The following CDH18 variants were observed in gnomAD, a reference collection of about 807,000 sequenced individuals.
The protein encoded by CDH18 is cadherin-18.
Under a neutral mutation model 67.9 loss-of-function variants are expected in CDH18, and 31 were observed. That is an observed-to-expected ratio of 0.46 (90% CI 0.34 to 0.62). The LOEUF is 0.62. CDH18 is among the 20% of genes least tolerant of loss of function. CDH18 has a pLI of 0.01. For synonymous variants in CDH18, 362 were observed against 347.2 expected (o/e 1.04, Z -0.48); for missense variants, 890 against 975.5 (o/e 0.91, Z 1.17).
intron 2 of CDH18, among the ~76,000 whole-genome samples, chr5:20,211,964 C>T (rs1174952649): frequency 2.0e-5 from 3 of 152,100 alleles, no homozygotes; most frequent in Non-Finnish European, 2.9e-5. Flanking sequence ...TTCAGAAGAT[C>T]AGTAATAACA....
chr5:20,457,616 T>A (rs1750930506), intron 1 of CDH18, among the ~76,000 whole-genome samples: 1 of 152,142 alleles, frequency 6.6e-6, no homozygotes, highest in African/African-American at 2.4e-5. Flanking sequence ...ATTTTAAAAA[T>A]CATGGGGTTA....
intron 2 of CDH18, among the ~76,000 whole-genome samples, chr5:20,156,679 C>G (rs750001266): frequency 2.6e-5 from 4 of 152,072 alleles, no homozygotes; most frequent in Admixed American, 6.6e-5. Flanking sequence ...AACACTATAT[C>G]CATGTGACAC....
intron 9 of CDH18, among the ~76,000 whole-genome samples, chr5:19,539,499 G>GA (rs1000709459): frequency 6.6e-6 from 1 of 151,928 alleles, no homozygotes; most frequent in African/African-American, 2.4e-5. Flanking sequence ...GTGAGGTAGT[G>GA]AAAAAAAATT....
intron 1 of CDH18, among the ~76,000 whole-genome samples, chr5:20,363,326 A>G (rs1742242379): frequency 6.6e-6 from 1 of 151,976 alleles, no homozygotes; most frequent in South Asian, 2.1e-4. Context: ...CTCTACTAAA[A>G]ATACGAAAGT....
intron 5 of CDH18, among the ~76,000 whole-genome samples, chr5:19,707,357 T>C (rs1357021632): frequency 6.6e-6 from 1 of 152,182 alleles, no homozygotes; most frequent in Admixed American, 6.5e-5. Flanking sequence ...ATGATAGTGG[T>C]GATCACCATT....
intron 2 of CDH18, among the ~76,000 whole-genome samples, chr5:20,175,448 C>T (rs1223931765): frequency 2.6e-5 from 4 of 152,100 alleles, no homozygotes; most frequent in Non-Finnish European, 4.4e-5. Context: ...ATAAGACAAT[C>T]ATCACCAAAG....
chr5:20,098,167 T>G (rs1746152720), intron 2 of CDH18, among the ~76,000 whole-genome samples: 1 of 152,086 alleles, frequency 6.6e-6, no homozygotes, highest in Non-Finnish European at 1.5e-5. Context: ...TGCAACCATT[T>G]GAAAATAAAA....
rs142940441 is a variant in CDH18 at position 20,409,276 on chromosome 5, A to G, written c.-579-153771T>C. Among the ~76,000 whole-genome samples, 742 of 151,984 alleles carry G rather than the reference A, an allele frequency of 4.9e-3. 15 individuals carry two copies. Among genetic ancestry groups the G allele is most frequent in the Admixed American group, 0.044 (676 of 15,246 alleles). On this transcript the variant is annotated intron_variant, in intron 1 of 14. Coordinates refer to the CDH18 transcript ENST00000507958. ...CAAGATACAGCAAATATTAGGCCACAAAACATGTCTTAACACATTTAATAA... is the reference window on the plus strand; with the variant it reads ...CAAGATACAGCAAATATTAGGCCACGAAACATGTCTTAACACATTTAATAA...
chr5:19,577,147 T>C (rs1742448694), intron 7 of CDH18, among the ~76,000 whole-genome samples: 1 of 152,064 alleles, frequency 6.6e-6, no homozygotes. Context: ...TACAGTTAGG[T>C]AGGAGGAATC....
At chr5:19,782,213 A>G (rs1467741900) in intron 3 of CDH18, among the ~76,000 whole-genome samples, 2 of 152,060 alleles carry the variant, frequency 1.3e-5, no homozygotes, top group Non-Finnish European at 2.9e-5. Context: ...GGTGGAAGGC[A>G]CCTCTTCACA....
intron 1 of CDH18, among the ~76,000 whole-genome samples, chr5:20,546,452 G>A (rs1405933137): frequency 6.6e-6 from 1 of 152,110 alleles, no homozygotes. Context: ...AGGTTTAACT[G>A]ACTCAAAGTT....
chr5:19,700,363 G>T (rs537115182), intron 5 of CDH18, among the ~76,000 whole-genome samples: 2 of 152,010 alleles, frequency 1.3e-5, no homozygotes, highest in East Asian at 1.9e-4. Context: ...AATCTTATGC[G>T]ACCACCATTG....
In CDH18 at chr5:19,762,669, C is replaced by A. The variant is rs139190541; in HGVS notation, c.229-15433G>T. 3.3e-3 allele frequency among the ~76,000 whole-genome samples: 502 copies of A among 152,028 alleles called. 3 individuals carry two copies. Among genetic ancestry groups the A allele is most frequent in the African/African-American group, 0.011 (463 of 41,480 alleles). On this transcript the variant is annotated intron_variant, in intron 3 of 12. Transcript: ENST00000382275. ...TCGGTGGGAGTGTAAACTAGTTCAACCACTGTGGAAGACATTGTGGCGATT... is the reference window on the plus strand; with the variant it reads ...TCGGTGGGAGTGTAAACTAGTTCAAACACTGTGGAAGACATTGTGGCGATT...
intron 3 of CDH18, among the ~76,000 whole-genome samples, chr5:19,834,703 C>T (rs927756418): frequency 3.9e-5 from 6 of 152,088 alleles, no homozygotes; most frequent in African/African-American, 1.4e-4. Context: ...AGCTGTGTCC[C>T]AGAGATTCTG....
intron 5 of CDH18, among the ~76,000 whole-genome samples, chr5:19,654,546 G>A (rs536401269): frequency 2.4e-4 from 36 of 152,250 alleles, no homozygotes; most frequent in Middle Eastern, 3.4e-3. Flanking sequence ...GCTGGGGAAA[G>A]TGCTATTGGG....
At chr5:20,242,777 C>T (rs574102582) in intron 2 of CDH18, among the ~76,000 whole-genome samples, 7 of 151,100 alleles carry the variant, frequency 4.6e-5, no homozygotes, top group South Asian at 2.1e-4. Flanking sequence ...ACTGAAGCTG[C>T]GTAGACAGCA....
chr5:20,085,428 GT>G (rs1744859286), intron 2 of CDH18, among the ~76,000 whole-genome samples: 1 of 152,008 alleles, frequency 6.6e-6, no homozygotes, highest in African/African-American at 2.4e-5. Flanking sequence ...ATGCTTTCCT[GT>G]CTTCTACTGA....
chr5:19,614,266 TA>T (rs1245778012), intron 5 of CDH18, among the ~76,000 whole-genome samples: 7 of 151,866 alleles, frequency 4.6e-5, no homozygotes, highest in Non-Finnish European at 8.8e-5. Context: ...GAGCCTCAGG[TA>T]TCAGAAAAGA....
chr5:19,872,308 T>C (rs1011913763), intron 2 of CDH18, among the ~76,000 whole-genome samples: 1 of 152,302 alleles, frequency 6.6e-6, no homozygotes, highest in Non-Finnish European at 1.5e-5. Flanking sequence ...TATATTCTCC[T>C]TCCTCTAAGG....
Sources: gnomAD v4.1 joint callset for allele counts (sites outside exome capture counted in the v4.1 genomes callset) on GRCh38, gnomAD v4.1.1 for gene constraint, MANE v1.5 for transcripts, NCBI Gene and HGNC (gene_info 2026-07-23, HGNC 2026-07-21) for gene names.